Variants in TBCK observed in about 807,000 individuals in gnomAD.
The protein encoded by TBCK is TBC1 domain containing kinase.
In TBCK, 99 loss-of-function variants were observed where a neutral mutation model predicts 113.4. That is an observed-to-expected ratio of 0.87 (90% CI 0.74 to 1.03). TBCK has a LOEUF of 1.03. Ranked by LOEUF, TBCK falls within the 50% of genes least tolerant of loss-of-function variation. The pLI is 0.00. For missense variants in TBCK, 1,045 were observed against 1,061.3 expected (o/e 0.98, Z 0.21); for synonymous variants, 369 against 370.8 (o/e 1.00, Z 0.05).
intron 22 of TBCK, among the ~76,000 whole-genome samples, chr4:106,178,063 ATATTT>A: frequency 6.6e-6 from 1 of 151,648 alleles, no homozygotes; most frequent in Non-Finnish European, 1.5e-5. Flanking sequence ...TTGTTCCTAC[ATATTT>A]TATTTTATTT....
intron 25 of TBCK, among the ~76,000 whole-genome samples, chr4:106,069,905 A>C (rs1272600533): frequency 6.6e-6 from 1 of 152,146 alleles, no homozygotes; most frequent in African/African-American, 2.4e-5. Context: ...TCTTTGTAGC[A>C]GTTGTGAATG....
intron 2 of TBCK, among the ~76,000 whole-genome samples, chr4:106,301,690 A>C (rs1229919111): frequency 2.0e-5 from 3 of 152,218 alleles, no homozygotes; most frequent in Non-Finnish European, 4.4e-5. Context: ...ATGTTACTAA[A>C]ACAGACCACA....
chr4:106,293,587 A>G (rs1208765915), intron 3 of TBCK, among the ~76,000 whole-genome samples: 1 of 152,168 alleles, frequency 6.6e-6, no homozygotes, highest in African/African-American at 2.4e-5. Flanking sequence ...CTGGTGCCAA[A>G]AAGTTTGGGG....
At chr4:106,230,310 C>T (rs572312798) in intron 19 of TBCK, 53 bp downstream of exon 19, 55 of 1,161,910 alleles carry the variant, frequency 4.7e-5, no homozygotes, top group African/African-American at 1.4e-4. Flanking sequence ...TACATCAGCA[C>T]ACCAGTACAT....
chr4:106,234,296 T>A (rs1306269218), intron 15 of TBCK, among the ~76,000 whole-genome samples: 2 of 152,130 alleles, frequency 1.3e-5, no homozygotes, highest in Admixed American at 1.3e-4. Context: ...ACAAGTCTAA[T>A]GATTAATGTA....
chr4:106,109,612 T>C (rs900714167), intron 24 of TBCK, among the ~76,000 whole-genome samples: 3 of 152,100 alleles, frequency 2.0e-5, no homozygotes, highest in African/African-American at 4.8e-5. Flanking sequence ...TTACACCATA[T>C]ACAAAAATCT....
At chr4:106,298,246 A>T (rs1019948861) in intron 2 of TBCK, among the ~76,000 whole-genome samples, 2 of 152,202 alleles carry the variant, frequency 1.3e-5, no homozygotes, top group Non-Finnish European at 2.9e-5. Context: ...AGAAATAAAA[A>T]ATTCCTAAGT....
At chr4:106,234,631 TA>T (rs1759248291) in intron 15 of TBCK, among the ~76,000 whole-genome samples, 1 of 151,994 alleles carries the variant, frequency 6.6e-6, no homozygotes, top group African/African-American at 2.4e-5. Flanking sequence ...AAAGGAAGGA[TA>T]ATTATCTATA....
In TBCK at chr4:106,157,492, G is replaced by A. The variant is rs75181886; in HGVS notation, c.2235+13603C>T. On this transcript the variant is annotated intron_variant, in intron 23 of 25. Transcript: ENST00000394708. Reference sequence around the variant, plus strand: ...GCCCCAGAACACTTTAGCCCAGGGTGATAAGGCTTGCCAGAACTGAAGTTT... The same window carrying A: ...GCCCCAGAACACTTTAGCCCAGGGTAATAAGGCTTGCCAGAACTGAAGTTT... Among the ~76,000 whole-genome samples the A allele has an allele frequency of 5.3e-3, 804 of 152,306 alleles. 10 individuals are homozygous for A. The highest frequency in any genetic ancestry group is 0.018 in the African/African-American group (757 of 41,580).
chr4:106,270,418 C>A (rs1763374007), intron 3 of TBCK, among the ~76,000 whole-genome samples: 1 of 152,168 alleles, frequency 6.6e-6, no homozygotes, highest in African/African-American at 2.4e-5. Context: ...CTAATTCTGG[C>A]TGTGCAAACA....
chr4:106,219,306 C>A (rs1378107953), intron 19 of TBCK, among the ~76,000 whole-genome samples: 1 of 151,032 alleles, frequency 6.6e-6, no homozygotes, highest in Non-Finnish European at 1.5e-5. Context: ...ACCAGCATGG[C>A]ACATGTATAC....
intron 25 of TBCK, among the ~76,000 whole-genome samples, chr4:106,054,680 A>G (rs1225228154): frequency 2.0e-5 from 3 of 151,706 alleles, no homozygotes; most frequent in Non-Finnish European, 4.4e-5. Context: ...GCTCTAATAT[A>G]TGTTGAATAA....
At chr4:106,298,732 C>T (rs533580450) in intron 2 of TBCK, among the ~76,000 whole-genome samples, 206 of 152,200 alleles carry the variant, frequency 1.4e-3, no homozygotes, top group African/African-American at 4.1e-3. Context: ...ATTTTCTATT[C>T]GTGAAATTGT....
chr4:106,196,839 T>C (rs1215790556), intron 20 of TBCK, among the ~76,000 whole-genome samples: 6 of 152,098 alleles, frequency 3.9e-5, no homozygotes, highest in Admixed American at 2.0e-4. Context: ...CTTCTCCCTT[T>C]TTGATGAAAG....
chr4:106,101,415 GA>G (rs1181390236), intron 24 of TBCK, among the ~76,000 whole-genome samples: 2 of 152,022 alleles, frequency 1.3e-5, no homozygotes, highest in African/African-American at 4.8e-5. Context: ...CAAATGAGAT[GA>G]AAAAAACCTT....
intron 20 of TBCK, among the ~76,000 whole-genome samples, chr4:106,204,096 A>G (rs1755182726): frequency 6.6e-6 from 1 of 152,316 alleles, no homozygotes; most frequent in African/African-American, 2.4e-5. Flanking sequence ...CTCTAGTAAT[A>G]TTAAATAAAG....
intron 9 of TBCK, chr4:106,247,908 T>C (rs1761011993): frequency 5.7e-6 from 1 of 175,366 alleles, no homozygotes; most frequent in Non-Finnish European, 1.2e-5. Flanking sequence ...TAATACATAT[T>C]GACAACAAAC....
chr4:106,118,564 T>C (rs1232615332), intron 23 of TBCK, among the ~76,000 whole-genome samples: 1 of 152,188 alleles, frequency 6.6e-6, no homozygotes, highest in African/African-American at 2.4e-5. Context: ...TTTCATTAGA[T>C]TGCAATCTCT....
chr4:106,238,102 C>G lies in TBCK; in HGVS notation c.1171-1294G>C, dbSNP rs906165609. ...TTGAGACATTTAGATTTGAAGCCTA[C>G]ATTCATTTAACTTGGATTATATTTA... On this transcript the variant is annotated intron_variant, in intron 12 of 25. Transcript: ENST00000394708. Among the ~76,000 whole-genome samples, 130 of 152,140 alleles carry G rather than the reference C, an allele frequency of 8.5e-4. 1 individual carries two copies. The highest frequency in any genetic ancestry group is 3.0e-3 in the African/African-American group (126 of 41,552).
Sources: gnomAD v4.1 joint callset for allele counts (sites outside exome capture counted in the v4.1 genomes callset) on GRCh38, gnomAD v4.1.1 for gene constraint, MANE v1.5 for transcripts, NCBI Gene and HGNC (gene_info 2026-07-23, HGNC 2026-07-21) for gene names.